Variants in CCSER1 observed in about 807,000 individuals in gnomAD.
The protein encoded by CCSER1 is serine-rich coiled-coil domain-containing protein 1.
Under a neutral mutation model 82.0 loss-of-function variants are expected in CCSER1, and 41 were observed. The ratio of observed to expected loss-of-function variants is 0.50; its 90% CI spans 0.39 to 0.65. CCSER1 has a LOEUF of 0.65. Among genes scored for constraint, CCSER1 ranks in the 30% least tolerant of loss-of-function variants. CCSER1 has a pLI of 0.00. For synonymous variants in CCSER1, 414 were observed against 383.9 expected (o/e 1.08, Z -0.92); for missense variants, 1,119 against 1,064.2 (o/e 1.05, Z -0.72).
intron 10 of CCSER1, among the ~76,000 whole-genome samples, chr4:91,242,935 C>A (rs1434774651): frequency 5.3e-5 from 8 of 152,114 alleles, no homozygotes; most frequent in Admixed American, 5.2e-4. Flanking sequence ...GAAGCTCTAC[C>A]ACAAGAATAA....
chr4:91,148,761 T>G (rs939452874), intron 10 of CCSER1, among the ~76,000 whole-genome samples: 2 of 152,230 alleles, frequency 1.3e-5, no homozygotes, highest in Non-Finnish European at 2.9e-5. Context: ...TACGATAGTT[T>G]GCTGAGAATG....
intron 3 of CCSER1, among the ~76,000 whole-genome samples, chr4:90,375,636 A>T (rs1422456133): frequency 4.6e-5 from 7 of 152,156 alleles, no homozygotes; most frequent in Admixed American, 2.6e-4. Context: ...TCTAACCATG[A>T]TTTGATAATC....
At position 91,437,706 on chromosome 4, in the gene CCSER1, C is replaced by T. The variant is rs575395265; in HGVS notation, c.2218-160866C>T. ...GCCTCACTCAGGAAGCGCAAGGGGTCAGGGAGTTCCCTTCCCTAGTCAAAG... is the reference window on the plus strand; with the variant it reads ...GCCTCACTCAGGAAGCGCAAGGGGTTAGGGAGTTCCCTTCCCTAGTCAAAG... On this transcript the variant is annotated intron_variant, in intron 10 of 10. Coordinates refer to ENST00000509176, the MANE Select transcript of CCSER1 (RefSeq NM_001145065.2). 3.3e-5 allele frequency among the ~76,000 whole-genome samples: 5 copies of T among 152,344 alleles called. No homozygotes were observed. In the East Asian group the frequency reaches 5.8e-4, roughly 18 times the overall value.
At chr4:90,914,104 G>A (rs1369688022) in intron 8 of CCSER1, among the ~76,000 whole-genome samples, 4 of 152,116 alleles carry the variant, frequency 2.6e-5, no homozygotes, top group Admixed American at 2.0e-4. Context: ...AAGTTAACAA[G>A]TATATCCAGG....
At chr4:90,784,538 A>G (rs922446013) in intron 7 of CCSER1, among the ~76,000 whole-genome samples, 1 of 152,226 alleles carries the variant, frequency 6.6e-6, no homozygotes, top group Admixed American at 6.5e-5. Flanking sequence ...GGAGGGGACT[A>G]TAAATCTTTG....
intron 10 of CCSER1, among the ~76,000 whole-genome samples, chr4:91,143,666 G>A (rs1431951570): frequency 6.6e-6 from 1 of 151,912 alleles, no homozygotes; most frequent in Admixed American, 6.6e-5. Context: ...AGTTTCTTTA[G>A]TATTTTTTTA....
At chr4:90,346,920 A>G (rs1410477482) in intron 3 of CCSER1, among the ~76,000 whole-genome samples, 2 of 152,112 alleles carry the variant, frequency 1.3e-5, no homozygotes, top group African/African-American at 2.4e-5. Context: ...TAGACAACAT[A>G]TTTACTTTCA....
chr4:90,158,758 C>T (rs1184679175), intron 1 of CCSER1, among the ~76,000 whole-genome samples: 2 of 152,140 alleles, frequency 1.3e-5, no homozygotes, highest in African/African-American at 2.4e-5. Context: ...GGGACTGACC[C>T]GATTTTCCAG....
chr4:90,152,681 G>C (rs1727089147), intron 1 of CCSER1, among the ~76,000 whole-genome samples: 1 of 152,118 alleles, frequency 6.6e-6, no homozygotes, highest in African/African-American at 2.4e-5. Flanking sequence ...GGCTGAGATA[G>C]AGAGTGCCCA....
intron 1 of CCSER1, among the ~76,000 whole-genome samples, chr4:90,265,821 A>G (rs185225229): frequency 2.0e-5 from 3 of 152,136 alleles, no homozygotes; most frequent in Non-Finnish European, 4.4e-5. Context: ...ATAGATACAT[A>G]GAATAAAATG....
chr4:90,887,700 G>A (rs116585740), intron 8 of CCSER1, among the ~76,000 whole-genome samples: 3,083 of 152,144 alleles, frequency 0.02, 113 homozygotes, highest in African/African-American at 0.07. Flanking sequence ...TGGCCAACAT[G>A]GTGTAACCCT....
chr4:90,267,927 G>A (rs1250899142), intron 1 of CCSER1, among the ~76,000 whole-genome samples: 1 of 152,136 alleles, frequency 6.6e-6, no homozygotes, highest in Non-Finnish European at 1.5e-5. Flanking sequence ...AACCTACAAT[G>A]GAGTTCTAGT....
intron 10 of CCSER1, among the ~76,000 whole-genome samples, chr4:91,566,933 TG>T (rs1182459068): frequency 1.3e-5 from 2 of 152,052 alleles, no homozygotes; most frequent in Non-Finnish European, 2.9e-5. Context: ...CTGCTAGCAT[TG>T]GGGTTGATTT....
At chr4:91,587,733 A>C (rs1764066155) in intron 10 of CCSER1, among the ~76,000 whole-genome samples, 1 of 151,610 alleles carries the variant, frequency 6.6e-6, no homozygotes, top group African/African-American at 2.4e-5. Context: ...TCTTGTGTCT[A>C]TGCATGAAAA....
At chr4:90,724,063 T>A in intron 7 of CCSER1, 72 bp downstream of exon 7, 20 of 932,848 alleles carry the variant, frequency 2.1e-5, no homozygotes, top group Non-Finnish European at 3.1e-5. Context: ...AAATAGTTTA[T>A]GTGTAGATGG....
chr4:91,390,219 A>C (rs947662444), intron 10 of CCSER1, among the ~76,000 whole-genome samples: 1 of 151,900 alleles, frequency 6.6e-6, no homozygotes, highest in African/African-American at 2.4e-5. Flanking sequence ...CTTTTTTGAT[A>C]AGAGTTTTTT....
At chr4:91,339,577 A>C in intron 10 of CCSER1, among the ~76,000 whole-genome samples, 1 of 152,112 alleles carries the variant, frequency 6.6e-6, no homozygotes, top group East Asian at 1.9e-4. Flanking sequence ...TTTGAATGGT[A>C]ACAAGATGGC....
At chr4:90,472,457 C>T (rs1047695024) in intron 5 of CCSER1, among the ~76,000 whole-genome samples, 25 of 151,932 alleles carry the variant, frequency 1.6e-4, no homozygotes, top group African/African-American at 5.8e-4. Context: ...TTAGGAACTC[C>T]TACTAGGAAT....
chr4:91,369,824 C>T (rs1178053223), intron 10 of CCSER1, among the ~76,000 whole-genome samples: 3 of 149,102 alleles, frequency 2.0e-5, no homozygotes, highest in East Asian at 2.1e-4. Context: ...GCACGCCCAC[C>T]ACGCCTAGCT....
Sources: gnomAD v4.1 joint callset for allele counts (sites outside exome capture counted in the v4.1 genomes callset) on GRCh38, gnomAD v4.1.1 for gene constraint, MANE v1.5 for transcripts, NCBI Gene and HGNC (gene_info 2026-07-23, HGNC 2026-07-21) for gene names.